Variants in OAF observed in about 807,000 individuals in gnomAD.
The protein encoded by OAF is out at first protein homolog.
Under a neutral mutation model 22.5 loss-of-function variants are expected in OAF, and 13 were observed. That is an observed-to-expected ratio of 0.58 (90% CI 0.38 to 0.92). The LOEUF is 0.92. Ranked by LOEUF, OAF falls within the 40% of genes least tolerant of loss-of-function variation. The probability of loss-of-function intolerance (pLI) is 0.00; values close to 1 mark genes in which losing one functional copy is unlikely to be tolerated. For synonymous variants in OAF, 175 were observed against 170.5 expected (o/e 1.03, Z -0.21); for missense variants, 347 against 381.8 (o/e 0.91, Z 0.76).
chr11:120,228,821 T>TACCAACCAAAC, intron 3 of OAF, 47 bp from the exon 4 acceptor site: 1 of 520,280 alleles, frequency 1.9e-6, no homozygotes, highest in Non-Finnish European at 3.6e-6. Context: ...GGGAGCTCCT[T>TACCAACCAAAC]CCCTCCCTCC....
intron 1 of OAF, among the ~76,000 whole-genome samples, chr11:120,223,183 G>A (rs1239690982): frequency 2.6e-5 from 4 of 152,174 alleles, no homozygotes; most frequent in South Asian, 2.1e-4. Flanking sequence ...CTGTGTGCCC[G>A]AGTTCCAGCT....
rs192688683 is a variant in OAF at position 120,211,990 on chromosome 11, C to T, written c.231+480C>T. Among the ~76,000 whole-genome samples, 134 of 152,272 alleles carry T rather than the reference C, an allele frequency of 8.8e-4. 1 individual carries two copies. The highest frequency in any genetic ancestry group is 3.0e-3 in the African/African-American group (123 of 41,542). ...TCCCAGCCCTGACATTTTGGAGTCC[C>T]TCTGTCACCTCTCCCTCTGTTTCAC... On this transcript the variant is annotated intron_variant, in intron 1 of 3. Transcript: ENST00000328965.
intron 2 of OAF, 137 bp downstream of exon 2, chr11:120,225,932 T>A (rs1938352315): frequency 2.8e-6 from 2 of 711,614 alleles, no homozygotes; most frequent in South Asian, 3.8e-5. Flanking sequence ...AAGCTCTGAT[T>A]CCCCAACCTT....
chr11:120,218,573 T>C (rs1224463740), intron 1 of OAF, among the ~76,000 whole-genome samples: 1 of 152,150 alleles, frequency 6.6e-6, no homozygotes, highest in African/African-American at 2.4e-5. Flanking sequence ...AATCATGCTC[T>C]CTGGTGTGAC....
intron 2 of OAF, 123 bp from the exon 3 acceptor site, chr11:120,226,693 C>G: frequency 1.2e-6 from 1 of 824,350 alleles, no homozygotes; most frequent in Non-Finnish European, 1.9e-6. Context: ...GGCTGCCACC[C>G]TGCAGATGGC....
At chr11:120,216,352 G>A (rs1205440016) in intron 1 of OAF, among the ~76,000 whole-genome samples, 1 of 152,212 alleles carries the variant, frequency 6.6e-6, no homozygotes, top group African/African-American at 2.4e-5. Context: ...CCCCTACCCT[G>A]TCTGTGTTAG....
intron 2 of OAF, 21 bp downstream of exon 2, chr11:120,225,816 G>T: frequency 3.8e-6 from 6 of 1,588,528 alleles, no homozygotes; most frequent in Middle Eastern, 1.7e-4. Flanking sequence ...CACCAGGCCT[G>T]CCTGGCCCAG....
intron 3 of OAF, among the ~76,000 whole-genome samples, chr11:120,227,218 C>G (rs1485189944): frequency 6.6e-6 from 1 of 152,192 alleles, no homozygotes; most frequent in East Asian, 1.9e-4. Context: ...TGTCCCCCAG[C>G]AGGGTAGATC....
intron 1 of OAF, among the ~76,000 whole-genome samples, chr11:120,218,668 G>T (rs183232939): frequency 6.6e-6 from 1 of 152,316 alleles, no homozygotes; most frequent in East Asian, 1.9e-4. Flanking sequence ...AATGGGAGGG[G>T]GCCAAGTGGC....
In OAF at chr11:120,211,477, C is replaced by A; in HGVS notation, c.198C>A (p.Gly66=). 6.6e-7 allele frequency: 1 copy of A among 1,504,752 alleles called. No homozygotes were observed. Among genetic ancestry groups the A allele is most frequent in the Admixed American group, 2.1e-5 (1 of 47,256 alleles). 93.2% of individuals were successfully genotyped at this position (1,504,752 alleles called of 1,614,324 possible). Residue 66 remains glycine, a synonymous_variant, in exon 1 of 4, where the codon GGC becomes GGA. Coordinates refer to ENST00000328965, the MANE Select transcript of OAF (RefSeq NM_178507.4). ...GCCTCGAGCTGCGCAAGCCCGACGG[C>A]ACCCTCGTCTCCTTCACCGCCGACT... ...SISLELRKPD[G]TLVSFTADFK...
chr11:120,225,335 G>T (rs61898291), intron 1 of OAF, among the ~76,000 whole-genome samples: 3 of 152,014 alleles, frequency 2.0e-5, no homozygotes, highest in African/African-American at 4.8e-5. Flanking sequence ...CCTCCATGAT[G>T]CCCTGATCAG....
rs748606257 is a variant in OAF at position 120,229,182 on chromosome 11, G to C, written c.*40G>C. 5.7e-6 allele frequency: 9 copies of C among 1,580,200 alleles called. No homozygotes were observed. The highest frequency in any genetic ancestry group is 8.6e-7 in the Non-Finnish European group (1 of 1,158,746). On this transcript the variant is annotated 3_prime_UTR_variant, in exon 4 of 4. Transcript: ENST00000328965. The stretch of plus-strand genomic sequence containing the variant: ...GGCGGGTGGCTGCTCTGGGCCCACT[G>C]CTCTTCACCAGCCACTAGAGGGGGT...
At chr11:120,211,649 A>G in intron 1 of OAF, 139 bp downstream of exon 1, 1 of 499,994 alleles carries the variant, frequency 2.0e-6, no homozygotes, top group Non-Finnish European at 3.4e-6. Flanking sequence ...GCTCTTCTCT[A>G]CACCTCTTTG....
intron 1 of OAF, among the ~76,000 whole-genome samples, chr11:120,224,629 G>A (rs1938327874): frequency 6.6e-6 from 1 of 152,148 alleles, no homozygotes; most frequent in Non-Finnish European, 1.5e-5. Flanking sequence ...GGGAGCTGGG[G>A]CCCGGGCATT....
In OAF at chr11:120,229,056, C is replaced by A. The variant is rs142969345; in HGVS notation, c.736C>A (p.Arg246Ser). The change falls in exon 4 of 4, where the codon CGC (arginine) becomes AGC (serine). Residue 246 changes from arginine to serine, a missense_variant. Arg to Ser is a moderately radical substitution (Grantham distance 110). Transcript: ENST00000328965. ...DRPTPYKCGI[R>S]SCQKSYSFDF... is the part of the protein sequence containing the mutation. ...GCCCACGCCCTACAAGTGTGGCATC[C>A]GCAGCTGCCAGAAGAGCTACAGCTT... 2 of 1,613,532 alleles carry A rather than the reference C, an allele frequency of 1.2e-6. No individual in the cohort carries two copies. Among genetic ancestry groups the A allele is most frequent in the Non-Finnish European group, 1.7e-6 (2 of 1,179,892 alleles).
In OAF at chr11:120,226,892, T is replaced by C. The variant is rs113497939; in HGVS notation, c.443T>C (p.Phe148Ser). ...EHLHMDVAVNFSQGALLSPHL... is the reference protein window; with the variant it reads ...EHLHMDVAVNSSQGALLSPHL... Reference sequence around the variant, plus strand: ...CTGCACATGGATGTCGCTGTCAACTTCAGCCAGGGGGCCCTGCTGAGCCCC... The same window carrying C: ...CTGCACATGGATGTCGCTGTCAACTCCAGCCAGGGGGCCCTGCTGAGCCCC... The change falls in exon 3 of 4, where the codon TTC (phenylalanine) becomes TCC (serine). Residue 148 changes from phenylalanine to serine, a missense_variant. Coordinates refer to ENST00000328965, the MANE Select transcript of OAF (RefSeq NM_178507.4). The C allele has an allele frequency of 6.2e-7, 1 of 1,612,740 alleles. No individual in the cohort carries two copies. The highest frequency in any genetic ancestry group is 1.7e-5 in the Admixed American group (1 of 59,930).
intron 1 of OAF, among the ~76,000 whole-genome samples, chr11:120,215,908 G>T (rs1180675364): frequency 1.3e-5 from 2 of 152,108 alleles, no homozygotes; most frequent in African/African-American, 4.8e-5. Flanking sequence ...GGTGGGCGGT[G>T]GGGGTCCCTT....
intron 1 of OAF, chr11:120,217,170 T>TCCC (rs1246279520): frequency 6.6e-6 from 1 of 152,126 alleles, no homozygotes. Flanking sequence ...CTGGACCACT[T>TCCC]CCCCCACGCT....
intron 1 of OAF, among the ~76,000 whole-genome samples, chr11:120,213,506 A>G (rs1268296261): frequency 3.3e-5 from 5 of 152,150 alleles, no homozygotes; most frequent in Non-Finnish European, 7.4e-5. Context: ...TTGGGAGTGG[A>G]AGACACCGAA....
Sources: allele counts gnomAD v4.1 joint callset (sites outside exome capture counted in the v4.1 genomes callset), GRCh38; gene constraint gnomAD v4.1.1; transcripts MANE v1.5; gene names NCBI Gene and HGNC (gene_info 2026-07-23, HGNC 2026-07-21).